NRG3: variants seen among roughly 807,000 people sequenced by gnomAD.
NRG3 encodes the protein neuregulin 3, also known as pro-neuregulin-3, membrane-bound isoform.
A neutral mutation model predicts 66.9 loss-of-function variants in NRG3; 31 were observed. The ratio of observed to expected loss-of-function variants is 0.46; its 90% CI spans 0.35 to 0.63. The LOEUF (loss-of-function observed/expected upper bound fraction) is 0.63. Ranked by LOEUF, NRG3 falls within the 20% of genes least tolerant of loss-of-function variation. The pLI, the probability that NRG3 is intolerant of heterozygous loss-of-function variation, is 0.00. For missense variants in NRG3, 910 were observed against 878.9 expected, an observed-to-expected ratio of 1.04 and a Z score of -0.45; for synonymous variants, 393 against 359.4, an observed-to-expected ratio of 1.09 and a Z score of -1.06.
intron 4 of NRG3, among the ~76,000 whole-genome samples, chr10:82,944,382 G>A (rs1564652344): frequency 6.6e-6 from 1 of 152,170 alleles, no homozygotes; most frequent in Non-Finnish European, 1.5e-5. Context: ...AAGCAGGGTA[G>A]ACAGATTATT....
intron 1 of NRG3, among the ~76,000 whole-genome samples, chr10:82,118,019 G>A (rs779147571): frequency 6.6e-6 from 1 of 152,048 alleles, no homozygotes; most frequent in Non-Finnish European, 1.5e-5. Context: ...AAGAGGGCCG[G>A]TAGCACCAAC....
chr10:82,708,295 C>T (rs1429200696), intron 2 of NRG3, among the ~76,000 whole-genome samples: 3 of 152,058 alleles, frequency 2.0e-5, no homozygotes, highest in East Asian at 1.9e-4. Context: ...GACCATTTTT[C>T]TCTTTTCTTT....
chr10:82,539,470 G>A (rs1321680593), intron 2 of NRG3, among the ~76,000 whole-genome samples: 2 of 152,092 alleles, frequency 1.3e-5, no homozygotes, highest in African/African-American at 4.8e-5. Flanking sequence ...CTTTCTCTAT[G>A]TCTACTGTGC....
At chr10:82,957,783 CAT>C (rs1369798320) in intron 5 of NRG3, among the ~76,000 whole-genome samples, 5 of 150,032 alleles carry the variant, frequency 3.3e-5, no homozygotes, top group African/African-American at 1.3e-4. Flanking sequence ...AGTGATAAAA[CAT>C]AGTTTCCTAT....
chr10:82,107,847 A>G (rs2067162139), intron 1 of NRG3, among the ~76,000 whole-genome samples: 1 of 152,258 alleles, frequency 6.6e-6, no homozygotes, highest in Non-Finnish European at 1.5e-5. Flanking sequence ...AGTTGAGTTT[A>G]CATAGCTTCC....
intron 1 of NRG3, among the ~76,000 whole-genome samples, chr10:82,265,107 G>A (rs906921195): frequency 5.9e-5 from 9 of 152,110 alleles, no homozygotes; most frequent in Non-Finnish European, 1.5e-5. Flanking sequence ...GTGTGAGAAA[G>A]TCACCCTTGA....
chr10:82,171,693 C>A (rs1287864349), intron 1 of NRG3, among the ~76,000 whole-genome samples: 1 of 152,090 alleles, frequency 6.6e-6, no homozygotes, highest in East Asian at 1.9e-4. Flanking sequence ...AAAACTTGCT[C>A]TTGTTTCTCA....
intron 1 of NRG3, among the ~76,000 whole-genome samples, chr10:82,189,083 T>A (rs1297179586): frequency 6.6e-6 from 1 of 152,150 alleles, no homozygotes. Flanking sequence ...GAAAACGGTT[T>A]AATTTTATAT....
At chr10:81,960,808 C>T (rs1186642074) in intron 1 of NRG3, among the ~76,000 whole-genome samples, 1 of 151,874 alleles carries the variant, frequency 6.6e-6, no homozygotes, top group Non-Finnish European at 1.5e-5. Flanking sequence ...ATTTCAGGCT[C>T]GATGAAGTTC....
At chr10:82,729,311 C>T (rs1361641203) in intron 2 of NRG3, among the ~76,000 whole-genome samples, 1 of 152,162 alleles carries the variant, frequency 6.6e-6, no homozygotes, top group Non-Finnish European at 1.5e-5. Context: ...ATTGTTACCC[C>T]CTCTAAACCT....
chr10:82,265,634 C>A (rs953739841), intron 1 of NRG3, among the ~76,000 whole-genome samples: 3 of 152,132 alleles, frequency 2.0e-5, no homozygotes, highest in Non-Finnish European at 2.9e-5. Context: ...TGGAGAATGG[C>A]TGGTTAACAA....
chr10:82,849,413 T>A (rs2135818069), intron 3 of NRG3, among the ~76,000 whole-genome samples: 1 of 152,304 alleles, frequency 6.6e-6, no homozygotes, highest in South Asian at 2.1e-4. Flanking sequence ...TGCTTTGTTA[T>A]GGAAGCCCTA....
intron 2 of NRG3, among the ~76,000 whole-genome samples, chr10:82,481,427 G>A (rs2132149635): frequency 6.6e-6 from 1 of 152,104 alleles, no homozygotes; most frequent in African/African-American, 2.4e-5. Flanking sequence ...TGTGTGATCT[G>A]GTATAGTCCC....
At chr10:82,275,079 A>G (rs2134363593) in intron 1 of NRG3, among the ~76,000 whole-genome samples, 1 of 152,206 alleles carries the variant, frequency 6.6e-6, no homozygotes, top group East Asian at 1.9e-4. Context: ...AATAATTCAA[A>G]AAATGAAAGG....
At chr10:82,109,251 G>A (rs2067234981) in intron 1 of NRG3, among the ~76,000 whole-genome samples, 1 of 152,176 alleles carries the variant, frequency 6.6e-6, no homozygotes, top group Admixed American at 6.5e-5. Flanking sequence ...GTCTTAGGGA[G>A]CAAGGTTGAG....
rs189007396 is a variant in NRG3, at chr10:82,949,609, C to A, written c.1055-1860C>A. Among the ~76,000 whole-genome samples the A allele has an allele frequency of 1.3e-3, 202 of 152,184 alleles. 1 individual carries two copies. The highest frequency in any genetic ancestry group is 7.6e-3 in the Admixed American group (116 of 15,276). The stretch of plus-strand genomic sequence containing the variant: ...GTGGCTCACACCTGTAATCCCAGCA[C>A]TTTGGGAGGCCGAGGCAGGCAGATC... On this transcript the variant is annotated intron_variant, in intron 4 of 8. Transcript: ENST00000372141.
intron 3 of NRG3, among the ~76,000 whole-genome samples, chr10:82,857,562 C>A (rs977147799): frequency 2.6e-5 from 4 of 152,102 alleles, no homozygotes; most frequent in African/African-American, 9.7e-5. Context: ...CACAGATAGA[C>A]TCCTGATTTA....
intron 1 of NRG3, among the ~76,000 whole-genome samples, chr10:82,333,384 T>C (rs1426960601): frequency 1.3e-5 from 2 of 152,174 alleles, no homozygotes; most frequent in Non-Finnish European, 2.9e-5. Context: ...TGGGGAAAAG[T>C]ACACAGCTGA....
chr10:82,287,157 G>A (rs975993630), intron 1 of NRG3, among the ~76,000 whole-genome samples: 2 of 152,004 alleles, frequency 1.3e-5, no homozygotes, highest in Non-Finnish European at 2.9e-5. Context: ...ATTGGAGGTG[G>A]GGCCTGGTGA....
Sources: gnomAD v4.1 joint callset for allele counts (sites outside exome capture counted in the v4.1 genomes callset) on GRCh38, gnomAD v4.1.1 for gene constraint, MANE v1.5 for transcripts, NCBI Gene and HGNC (gene_info 2026-07-23, HGNC 2026-07-21) for gene names.